ASMTL: variants seen among roughly 807,000 people sequenced by gnomAD.
ASMTL encodes probable bifunctional dTTP/UTP pyrophosphatase/methyltransferase protein.
ASMTL carries 57 observed loss-of-function variants against 60.3 expected under a neutral mutation model. The ratio of observed to expected loss-of-function variants is 0.95; its 90% CI spans 0.76 to 1.18. ASMTL has a LOEUF of 1.18. ASMTL is among the 50% of genes most tolerant of loss of function. The pLI, the probability that ASMTL is intolerant of heterozygous loss-of-function variation, is 0.00. For synonymous variants in ASMTL, 419 were observed against 373.0 expected, an observed-to-expected ratio of 1.12 and a Z score of -1.42; for missense variants, 981 against 852.6, an observed-to-expected ratio of 1.15 and a Z score of -1.88.
chrX:1,439,727 T>G (rs1238343507), intron 2 of ASMTL, among the ~76,000 whole-genome samples: 16 of 150,686 alleles, frequency 1.1e-4, no homozygotes, highest in Non-Finnish European at 1.6e-4. Context: ...TCTCAGCTAC[T>G]CAGGAGGCTG....
At chrX:1,417,808 GAGACAC>G (rs1203664498) in intron 11 of ASMTL, 159 bp downstream of exon 11, 4 of 39,082 alleles carry the variant, frequency 1.0e-4, no homozygotes, top group African/African-American at 5.3e-4. Context: ...TGCACACAGA[GAGACAC>G]ACACACACAA....
intron 11 of ASMTL, among the ~76,000 whole-genome samples, chrX:1,414,641 G>A (rs190646387): frequency 0.031 from 4,762 of 152,120 alleles, 223 homozygotes; most frequent in African/African-American, 0.093. Context: ...CCAGGAAGTG[G>A]AGGTTGCAGT....
chrX:1,438,599 G>A (rs1268788854), intron 3 of ASMTL, among the ~76,000 whole-genome samples: 3 of 152,128 alleles, frequency 2.0e-5, no homozygotes, highest in Non-Finnish European at 4.4e-5. Context: ...CTGCAACCCC[G>A]CCTCCTGGGT....
At chrX:1,452,703 C>T (rs753452656) in intron 1 of ASMTL, 45 bp downstream of exon 1, 3 of 1,507,194 alleles carry the variant, frequency 2.0e-6, no homozygotes, top group South Asian at 1.2e-5. Flanking sequence ...CGGGGTTCAG[C>T]CCCTCCGTCC....
chrX:1,432,177 T>G, intron 6 of ASMTL, 92 bp downstream of exon 6: 1 of 1,101,638 alleles, frequency 9.1e-7, no homozygotes, highest in Non-Finnish European at 1.3e-6. Flanking sequence ...GGGGCCTCCT[T>G]CTTTCCCAAA....
At chrX:1,415,852 A>ACACAGG (rs1313939895) in intron 11 of ASMTL, among the ~76,000 whole-genome samples, 1 of 152,274 alleles carries the variant, frequency 6.6e-6, no homozygotes, top group Admixed American at 6.5e-5. Flanking sequence ...ACAGACACAG[A>ACACAGG]CACAGGCACA....
chrX:1,412,864 AGAC>A lies in ASMTL; in HGVS notation c.1523-13_1523-11del, dbSNP rs1185299614. 1.2e-6 allele frequency: 2 copies of A among 1,613,726 alleles called. No homozygotes were observed. On this transcript the variant is annotated splice_polypyrimidine_tract_variant and intron_variant, in intron 11 of 12. Transcript: ENST00000381317. ...TCCCTGAAAAAGTCACCTGGTTTAA[AGAC>A]AAAACGAGATACGTCCGTCAGGTAT...
intron 2 of ASMTL, among the ~76,000 whole-genome samples, chrX:1,441,197 T>C (rs1269770962): frequency 6.6e-6 from 1 of 152,208 alleles, no homozygotes; most frequent in Non-Finnish European, 1.5e-5. Context: ...GAGAATATTA[T>C]AACACATAGT....
intron 10 of ASMTL, among the ~76,000 whole-genome samples, chrX:1,418,442 A>G (rs1282848837): frequency 1.3e-5 from 2 of 151,670 alleles, no homozygotes; most frequent in Non-Finnish European, 2.9e-5. Flanking sequence ...ACAGACCTAC[A>G]GGGAAATCCT....
At chrX:1,425,746 C>A in intron 7 of ASMTL, 59 bp from the exon 8 acceptor site, 6 of 1,556,286 alleles carry the variant, frequency 3.9e-6, no homozygotes, top group Non-Finnish European at 5.3e-6. Flanking sequence ...TTTCTACTCC[C>A]ACAGACTCAA....
intron 6 of ASMTL, chrX:1,431,878 G>A (rs1160303200): frequency 2.8e-5 from 6 of 213,158 alleles, no homozygotes; most frequent in Non-Finnish European, 4.7e-5. Context: ...TGGACGGGAC[G>A]ACAGGTAGAA....
intron 1 of ASMTL, among the ~76,000 whole-genome samples, chrX:1,443,107 T>TCGTCGTGGACACACACCAC (rs2091144558): frequency 4.5e-5 from 3 of 67,164 alleles, no homozygotes; most frequent in Non-Finnish European, 1.1e-4. Context: ...ACACACACCG[T>TCGTCGTGGACACACACCAC]CGTCGTGGAC....
In ASMTL at chrX:1,422,583, T is replaced by A. The variant is rs779835918; in HGVS notation, c.1061-741A>T. ...CCAAGCTCCCTTCCAGGATGCCCCC[T>A]CCCACAGAATGGGAGGCTGGAAGGT... On this transcript the variant is annotated intron_variant, in intron 8 of 12. Coordinates refer to ENST00000381317, the MANE Select transcript of ASMTL (RefSeq NM_004192.4). Among the ~76,000 whole-genome samples the A allele has an allele frequency of 1.6e-4, 24 of 152,084 alleles. No homozygotes were observed. In the South Asian group the frequency reaches 5.0e-3, roughly 32 times the overall value.
chrX:1,421,652 T>A lies in ASMTL; in HGVS notation c.1245+6A>T. The A allele has an allele frequency of 3.1e-6, 5 of 1,613,910 alleles. No homozygotes were observed. In the Admixed American group the frequency reaches 5.0e-5, roughly 16 times the overall value. Reference sequence around the variant, plus strand: ...CGGAAAGGTGTCCGCGGGGGTGTTATGCTACCTGGAACAGATCTTCCGCCT... The same window carrying A: ...CGGAAAGGTGTCCGCGGGGGTGTTAAGCTACCTGGAACAGATCTTCCGCCT... On this transcript the variant is annotated splice_donor_region_variant and intron_variant, in intron 9 of 12. Coordinates refer to ENST00000381317, the MANE Select transcript of ASMTL (RefSeq NM_004192.4).
intron 1 of ASMTL, among the ~76,000 whole-genome samples, chrX:1,446,657 G>A (rs1484011722): frequency 6.6e-5 from 10 of 152,018 alleles, no homozygotes; most frequent in Non-Finnish European, 1.0e-4. Context: ...CCGCCACCAC[G>A]CCCGGCTAAT....
intron 12 of ASMTL, among the ~76,000 whole-genome samples, chrX:1,407,551 G>A (rs1374025902): frequency 6.6e-6 from 1 of 152,036 alleles, no homozygotes; most frequent in Admixed American, 6.6e-5. Flanking sequence ...ATGGATGGAT[G>A]GATAGATAAT....
intron 12 of ASMTL, among the ~76,000 whole-genome samples, chrX:1,407,558 T>A: frequency 6.6e-6 from 1 of 151,874 alleles, no homozygotes; most frequent in African/African-American, 2.4e-5. Flanking sequence ...GATGGATAGA[T>A]AATAAATGAT....
chrX:1,428,195 AGGC>A (rs2090667199), intron 6 of ASMTL, 74 bp from the exon 7 acceptor site: 1 of 1,521,930 alleles, frequency 6.6e-7, no homozygotes, highest in East Asian at 2.3e-5. Context: ...CACGGCTGGG[AGGC>A]GGAGGTGGGT....
chrX:1,453,046 G>A (rs866604835), upstream of ASMTL: 3 of 517,448 alleles, frequency 5.8e-6, no homozygotes, highest in Admixed American at 4.2e-5. Context: ...TGAACACTCC[G>A]TCAGGCCTCG....
Sources: allele counts gnomAD v4.1 joint callset (sites outside exome capture counted in the v4.1 genomes callset), GRCh38; gene constraint gnomAD v4.1.1; transcripts MANE v1.5; gene names NCBI Gene and HGNC (gene_info 2026-07-23, HGNC 2026-07-21).